MRTFA: variants seen among roughly 807,000 people sequenced by gnomAD.
MRTFA encodes myocardin-related transcription factor A.
In MRTFA, 20 loss-of-function variants were observed where a neutral mutation model predicts 83.5. The ratio of observed to expected loss-of-function variants is 0.24; its 90% CI spans 0.17 to 0.35. The LOEUF (loss-of-function observed/expected upper bound fraction) is 0.35. Among genes scored for constraint, MRTFA ranks in the 10% least tolerant of loss-of-function variants. The probability of loss-of-function intolerance (pLI) is 1.00; values close to 1 mark genes in which losing one functional copy is unlikely to be tolerated. For missense variants in MRTFA, 1,200 were observed against 1,224.7 expected, an observed-to-expected ratio of 0.98 and a Z score of 0.30; for synonymous variants, 659 against 541.2, an observed-to-expected ratio of 1.22 and a Z score of -3.02.
chr22:40,634,094 A>AT (rs149996138), intron 1 of MRTFA, among the ~76,000 whole-genome samples: 15,063 of 144,424 alleles, frequency 0.1, 996 homozygotes, highest in East Asian at 0.25. Context: ...ATTTATCAGG[A>AT]TTTTTTTTTT....
In MRTFA at chr22:40,612,983, C is replaced by A. The variant is rs367773731; in HGVS notation, c.-83-18248G>T. On this transcript the variant is annotated intron_variant, in intron 1 of 14. Coordinates refer to ENST00000355630, the MANE Select transcript of MRTFA (RefSeq NM_020831.6). ...TAACAAGGACATTCCCATCACTCTT[C>A]ATATCCTTTGCAGTCAATATTCCAC... 1.2e-4 allele frequency among the ~76,000 whole-genome samples: 18 copies of A among 152,308 alleles called. No homozygotes were observed. In the South Asian group the frequency reaches 3.7e-3, roughly 32 times the overall value.
At chr22:40,574,426 T>C (rs1255076001) in intron 2 of MRTFA, among the ~76,000 whole-genome samples, 1 of 148,082 alleles carries the variant, frequency 6.8e-6, no homozygotes, top group Non-Finnish European at 1.5e-5. Context: ...ACTGCATTAG[T>C]TATTATTATT....
At chr22:40,517,422 C>T (rs115382686) in intron 3 of MRTFA, among the ~76,000 whole-genome samples, 80 of 151,902 alleles carry the variant, frequency 5.3e-4, no homozygotes, top group African/African-American at 1.8e-3. Flanking sequence ...ATACAGGGTC[C>T]GAAAAAGGGC....
chr22:40,519,485 T>G, intron 3 of MRTFA: 1 of 1,344,164 alleles, frequency 7.4e-7, no homozygotes, highest in Non-Finnish European at 9.9e-7. Context: ...TCTCTTCTCA[T>G]GCTTGCTTAC....
intron 4 of MRTFA, among the ~76,000 whole-genome samples, chr22:40,438,757 T>C (rs2053218145): frequency 6.6e-6 from 1 of 152,172 alleles, no homozygotes; most frequent in East Asian, 1.9e-4. Context: ...AATTTTGTCA[T>C]AGGTCACATG....
intron 3 of MRTFA, among the ~76,000 whole-genome samples, chr22:40,516,876 G>A (rs569790685): frequency 6.6e-6 from 1 of 152,032 alleles, no homozygotes; most frequent in African/African-American, 2.4e-5. Context: ...AAAAAAGAAG[G>A]CCATTCCTAT....
At chr22:40,612,014 T>C (rs941344373) in intron 1 of MRTFA, among the ~76,000 whole-genome samples, 2 of 152,228 alleles carry the variant, frequency 1.3e-5, no homozygotes, top group Non-Finnish European at 2.9e-5. Context: ...TTTCCACAGA[T>C]AGCAGAGTAC....
chr22:40,535,555 G>A (rs2055157000), intron 3 of MRTFA, among the ~76,000 whole-genome samples: 1 of 151,840 alleles, frequency 6.6e-6, no homozygotes, highest in African/African-American at 2.4e-5. Context: ...GTTTCACCAT[G>A]TTGCCCAGGC....
chr22:40,490,836 T>C (rs1036444159), intron 3 of MRTFA, among the ~76,000 whole-genome samples: 1 of 152,138 alleles, frequency 6.6e-6, no homozygotes, highest in Non-Finnish European at 1.5e-5. Flanking sequence ...ATTCTGATAG[T>C]AGATAATTAG....
At chr22:40,457,486 G>GAAAGA (rs750318222) in intron 4 of MRTFA, among the ~76,000 whole-genome samples, 55 of 127,910 alleles carry the variant, frequency 4.3e-4, no homozygotes, top group Admixed American at 1.8e-3. Context: ...AAGAAAGAAA[G>GAAAGA]AAGGAAAGAA....
At chr22:40,545,743 T>C (rs1277524149) in intron 3 of MRTFA, among the ~76,000 whole-genome samples, 1 of 148,112 alleles carries the variant, frequency 6.8e-6, no homozygotes, top group African/African-American at 2.5e-5. Context: ...ATTTTTTTCT[T>C]TTTTTTTGAC....
At chr22:40,584,728 C>T (rs1197287168) in intron 2 of MRTFA, among the ~76,000 whole-genome samples, 1 of 120,534 alleles carries the variant, frequency 8.3e-6, no homozygotes, top group African/African-American at 3.3e-5. Context: ...GAGACTCTGT[C>T]TCAAAAAAAA....
At chr22:40,552,397 A>T (rs908889434) in intron 2 of MRTFA, 30 bp from the exon 3 acceptor site, 4 of 397,566 alleles carry the variant, frequency 1.0e-5, no homozygotes, top group African/African-American at 8.2e-5. Context: ...TGGAAAGTTT[A>T]GATGGTACCA....
At chr22:40,468,199 A>C (rs529825313) in intron 3 of MRTFA, among the ~76,000 whole-genome samples, 2 of 152,308 alleles carry the variant, frequency 1.3e-5, no homozygotes, top group East Asian at 3.9e-4. Flanking sequence ...CAAGAAATGA[A>C]CACATCAAAC....
chr22:40,527,175 G>A (rs1475512449), intron 3 of MRTFA, among the ~76,000 whole-genome samples: 1 of 137,840 alleles, frequency 7.3e-6, no homozygotes, highest in Non-Finnish European at 1.6e-5. Flanking sequence ...TTTAAATTAT[G>A]ACAGACTATA....
At chr22:40,560,146 A>C (rs2055592154) in intron 2 of MRTFA, among the ~76,000 whole-genome samples, 1 of 152,258 alleles carries the variant, frequency 6.6e-6, no homozygotes. Context: ...GGAGTGAGGA[A>C]GAACACACAA....
intron 1 of MRTFA, among the ~76,000 whole-genome samples, chr22:40,616,276 C>T (rs930329730): frequency 5.3e-5 from 8 of 152,144 alleles, no homozygotes; most frequent in African/African-American, 9.7e-5. Context: ...TATTAAAACC[C>T]ATGATATACC....
intron 3 of MRTFA, among the ~76,000 whole-genome samples, chr22:40,472,874 C>A (rs911555340): frequency 5.3e-5 from 8 of 152,162 alleles, no homozygotes; most frequent in South Asian, 2.1e-4. Flanking sequence ...TGAAAATGGA[C>A]CCCCAAGCTC....
chr22:40,612,151 G>C (rs377061124), intron 1 of MRTFA, among the ~76,000 whole-genome samples: 1 of 152,150 alleles, frequency 6.6e-6, no homozygotes, highest in African/African-American at 2.4e-5. Flanking sequence ...TCCTCACAAT[G>C]AGCAAGTACT....
Sources: gnomAD v4.1 joint callset for allele counts (sites outside exome capture counted in the v4.1 genomes callset) on GRCh38, gnomAD v4.1.1 for gene constraint, MANE v1.5 for transcripts, NCBI Gene and HGNC (gene_info 2026-07-23, HGNC 2026-07-21) for gene names.